The following CEP89 variants were observed in gnomAD, a reference collection of about 807,000 sequenced individuals.
CEP89 encodes centrosomal protein of 89 kDa.
A neutral mutation model predicts 97.6 loss-of-function variants in CEP89; 95 were observed. The ratio of observed to expected loss-of-function variants is 0.97; its 90% confidence interval spans 0.82 to 1.15. CEP89 has a LOEUF of 1.15. Ranked by LOEUF, CEP89 falls within the 50% of genes most tolerant of loss-of-function variation. The pLI, the probability that CEP89 is intolerant of heterozygous loss-of-function variation, is 0.00. For missense variants in CEP89, 869 were observed against 947.7 expected (o/e 0.92, Z 1.09); for synonymous variants, 354 against 349.1 (o/e 1.01, Z -0.16).
intron 7 of CEP89, 105 bp downstream of exon 7, chr19:32,937,526 C>A: frequency 1.0e-6 from 1 of 969,148 alleles, no homozygotes; most frequent in Non-Finnish European, 1.6e-6. Flanking sequence ...AGTTCAACAA[C>A]TAATACAAGA....
At chr19:32,887,963 T>G in intron 16 of CEP89, 122 bp from the exon 17 acceptor site, 1 of 656,428 alleles carries the variant, frequency 1.5e-6, no homozygotes, top group Non-Finnish European at 2.7e-6. Flanking sequence ...CTGTCCTGCC[T>G]CAACCCCTTC....
intron 2 of CEP89, among the ~76,000 whole-genome samples, chr19:32,964,236 G>A (rs1219983113): frequency 6.6e-6 from 1 of 151,696 alleles, no homozygotes; most frequent in East Asian, 1.9e-4. Flanking sequence ...ACAGTGGTGC[G>A]ATCTGGGCTC....
In CEP89 at chr19:32,879,059, C is replaced by T; in HGVS notation, c.*103G>A. ...TCCCTGCCCTGCAGCGTTCAGTGGG[C>T]TTACGCACCTCCGGCTGCCACCATG... On this transcript the variant is annotated 3_prime_UTR_variant, in exon 19 of 19. Transcript: ENST00000305768. 1 of 837,780 alleles carries T rather than the reference C, an allele frequency of 1.2e-6. No homozygotes were observed. The highest frequency in any genetic ancestry group is 2.4e-5 in the East Asian group (1 of 40,898). 51.9% of individuals were successfully genotyped at this position (837,780 alleles called of 1,614,324 possible).
Position 32,884,740 on chromosome 19 carries a change from T to A in CEP89, c.1966-2727A>T, listed in dbSNP as rs552650332. Among the ~76,000 whole-genome samples the A allele has an allele frequency of 2.0e-4, 31 of 151,858 alleles. No homozygotes were observed. In the South Asian group the frequency reaches 5.9e-3, roughly 29 times the overall value. On this transcript the variant is annotated intron_variant, in intron 17 of 18. Coordinates refer to ENST00000305768, the MANE Select transcript of CEP89 (RefSeq NM_032816.5). ...CTATCAAGCCCGGCTAATTTTAAAC[T>A]TTTTTTTAGAGATGGGGTCTCTATG...
At position 32,887,014 on chromosome 19, in the gene CEP89, CAAAAAAAAAAAATACA is replaced by C. The variant is rs1365306201; in HGVS notation, c.1965+722_1965+737del. Among the ~76,000 whole-genome samples the C allele has an allele frequency of 1.6e-4, 12 of 76,518 alleles. No homozygotes were observed. The South Asian group carries it at 1.7e-3, about 11-fold the overall frequency. 50.2% of individuals were successfully genotyped at this position (76,518 alleles called of 152,430 possible). ...AACATAGCAAGACCTCATCTCTAAA[CAAAAAAAAAAAATACA>C]AAAAAAAAAAAATAGCCAGACACCA... On this transcript the variant is annotated intron_variant, in intron 17 of 18. Transcript: ENST00000305768.
At position 32,882,031 on chromosome 19, in the gene CEP89, T is replaced by C; in HGVS notation, c.1966-18A>G. On this transcript the variant is annotated intron_variant, in intron 17 of 18. Transcript: ENST00000305768. ...TTGTAGCCCTGGTCGGGGGAAGGAC[T>C]CTGTGAATGAGGGGACGCTGCCAGG... 2 of 1,552,190 alleles carry C rather than the reference T, an allele frequency of 1.3e-6. No individual in the cohort carries two copies. The highest frequency in any genetic ancestry group is 1.7e-6 in the Non-Finnish European group (2 of 1,148,176).
rs201212814 is a variant in CEP89 at position 32,953,745 on chromosome 19, A to T, written c.362T>A (p.Leu121Gln). 1 of 1,613,964 alleles carries T rather than the reference A, an allele frequency of 6.2e-7. No homozygotes were observed. The highest frequency in any genetic ancestry group is 8.5e-7 in the Non-Finnish European group (1 of 1,179,988). Reference protein sequence around the residue: ...RRSSLPSFETLDYGDEEDIET... With the variant: ...RRSSLPSFETQDYGDEEDIET... ...AATGTCCTCTTCGTCCCCATAGTCC[A>T]GTGTTTCAAAGGATGGCAAAGAAGA... The change falls in exon 4 of 19, where the codon CTG becomes CAG. Residue 121 changes from leucine to glutamine, a missense_variant. By Grantham distance (113) the Leu-to-Gln change is moderately radical. Transcript: ENST00000305768.
chr19:32,885,330 C>T (rs183553356), intron 17 of CEP89, among the ~76,000 whole-genome samples: 68 of 152,268 alleles, frequency 4.5e-4, no homozygotes, highest in Non-Finnish European at 1.0e-4. Flanking sequence ...GTTGGCAGGA[C>T]TCATTGTTGA....
In CEP89 at chr19:32,936,229, C is replaced by A. The variant is rs1331981429; in HGVS notation, c.667+1402G>T. ...GGCCAAGCCTGGGCACTGTCACAGC[C>A]TGGCTGGGAGTGTGCATACTCAGGG... On this transcript the variant is annotated intron_variant, in intron 7 of 18. Coordinates refer to ENST00000305768, the MANE Select transcript of CEP89 (RefSeq NM_032816.5). This position sits in a 1 kb window ranked among gnomAD's most constrained non-coding sequence, Gnocchi z 4.5. 2.6e-4 allele frequency among the ~76,000 whole-genome samples: 40 copies of A among 152,306 alleles called. No homozygotes were observed.
intron 15 of CEP89, among the ~76,000 whole-genome samples, chr19:32,900,377 T>G (rs1969739764): frequency 6.6e-6 from 1 of 151,190 alleles, no homozygotes; most frequent in Non-Finnish European, 1.5e-5. Flanking sequence ...TCCTGAGTAG[T>G]TGGGATTAGA....
chr19:32,894,455 C>A (rs1969597256), intron 16 of CEP89, among the ~76,000 whole-genome samples: 1 of 152,154 alleles, frequency 6.6e-6, no homozygotes, highest in Admixed American at 6.6e-5. Context: ...ATGTAGCTTC[C>A]CCAATCTCCA....
intron 7 of CEP89, chr19:32,937,212 C>T (rs948310175): frequency 4.9e-5 from 11 of 224,912 alleles, no homozygotes; most frequent in African/African-American, 2.6e-4. Flanking sequence ...CTCTAGACCT[C>T]TCCCTCTGCC....
In CEP89 at chr19:32,899,976, C is replaced by A; in HGVS notation, c.1756G>T (p.Val586Phe). 2 of 1,614,010 alleles carry A rather than the reference C, an allele frequency of 1.2e-6. No individual in the cohort carries two copies. The highest frequency in any genetic ancestry group is 2.2e-5 in the South Asian group (2 of 91,070). Residue 586 changes from valine (V) to phenylalanine (F), a missense_variant, in exon 16 of 19, where the codon GTC becomes TTC. Val to Phe is a conservative substitution (Grantham distance 50, BLOSUM62 -1). Coordinates refer to ENST00000305768, the MANE Select transcript of CEP89 (RefSeq NM_032816.5). Reference sequence around the variant, plus strand: ...GCTTTTTCCACCTGCTTTTTGAGGACCTCAATTTTCTTTTGAGATTTCCTA... The same window carrying A: ...GCTTTTTCCACCTGCTTTTTGAGGAACTCAATTTTCTTTTGAGATTTCCTA... ...INRKSQKKIE[V>F]LKKQVEKAMG...
intron 5 of CEP89, among the ~76,000 whole-genome samples, chr19:32,940,542 C>T (rs555329201): frequency 1.4e-4 from 22 of 152,318 alleles, no homozygotes; most frequent in African/African-American, 4.1e-4. Flanking sequence ...GATGGGCCAA[C>T]GCATACTCCT....
chr19:32,942,849 C>CTTTTTTTTTTTT (rs757161677), intron 5 of CEP89, among the ~76,000 whole-genome samples: 1 of 136,370 alleles, frequency 7.3e-6, no homozygotes. Flanking sequence ...CTATTCCAGT[C>CTTTTTTTTTTTT]TTTTTTTTTT....
intron 16 of CEP89, among the ~76,000 whole-genome samples, chr19:32,892,462 C>T (rs1274387505): frequency 6.6e-6 from 1 of 151,440 alleles, no homozygotes; most frequent in Non-Finnish European, 1.5e-5. Context: ...TGCACCACCA[C>T]AACCAGCTAA....
At chr19:32,913,309 TTTTGTTGTTGTTG>T (rs1568556725) in intron 14 of CEP89, among the ~76,000 whole-genome samples, 4,520 of 34,420 alleles carry the variant, frequency 0.13, 90 homozygotes, top group East Asian at 0.47. Context: ...ATATATATTT[TTTTGTTGTTGTTG>T]TTGTTGTTGT....
chr19:32,890,970 G>A (rs185810482), intron 16 of CEP89, among the ~76,000 whole-genome samples: 10 of 152,272 alleles, frequency 6.6e-5, no homozygotes, highest in Middle Eastern at 3.4e-3. Flanking sequence ...ACATGCACCC[G>A]GAAGGCTGCA....
intron 3 of CEP89, among the ~76,000 whole-genome samples, chr19:32,957,751 A>C (rs1343423477): frequency 7.2e-5 from 11 of 152,210 alleles, no homozygotes; most frequent in Admixed American, 7.2e-4. Context: ...CAAAGGTTGC[A>C]GTGAGCCGAG....
Sources: allele counts gnomAD v4.1 joint callset (sites outside exome capture counted in the v4.1 genomes callset), GRCh38; gene constraint gnomAD v4.1.1; non-coding constraint Gnocchi (gnomAD v3.1); transcripts MANE v1.5; gene names NCBI Gene and HGNC (gene_info 2026-07-23, HGNC 2026-07-21).